The following TMTC2 variants were observed in gnomAD, a reference collection of about 807,000 sequenced individuals.
The protein encoded by TMTC2 is transmembrane O-mannosyltransferase targeting cadherins 2, also known as protein O-mannosyl-transferase TMTC2.
TMTC2 carries 43 observed loss-of-function variants against 82.4 expected under a neutral mutation model. The observed-to-expected ratio is 0.52, with a 90% CI of 0.41 to 0.67. TMTC2 has a LOEUF of 0.67. Ranked by LOEUF, TMTC2 falls within the 30% of genes least tolerant of loss-of-function variation. The pLI, the probability that TMTC2 is intolerant of heterozygous loss-of-function variation, is 0.00. For missense variants in TMTC2, 919 were observed against 1,012.4 expected (o/e 0.91, Z 1.25); for synonymous variants, 408 against 381.9 (o/e 1.07, Z -0.80).
chr12:83,089,854 A>G (rs76324658), intron 11 of TMTC2, among the ~76,000 whole-genome samples: 1 of 135,882 alleles, frequency 7.4e-6, no homozygotes, highest in Non-Finnish European at 1.7e-5. Flanking sequence ...AAACAAAAAA[A>G]AAAAAACTAT....
intron 2 of TMTC2, among the ~76,000 whole-genome samples, chr12:82,871,541 G>A (rs2137137190): frequency 6.6e-6 from 1 of 152,218 alleles, no homozygotes; most frequent in East Asian, 1.9e-4. Flanking sequence ...TACAATAACT[G>A]TATAACTCTG....
At chr12:82,772,882 G>A (rs369947242) in intron 1 of TMTC2, among the ~76,000 whole-genome samples, 5 of 152,090 alleles carry the variant, frequency 3.3e-5, no homozygotes, top group African/African-American at 9.6e-5. Context: ...AAGTAGTGTC[G>A]GAGTGGGGGG....
At chr12:82,748,946 G>T (rs1406910247) in intron 1 of TMTC2, among the ~76,000 whole-genome samples, 5 of 152,206 alleles carry the variant, frequency 3.3e-5, no homozygotes, top group Admixed American at 6.5e-5. Context: ...CTATATATAT[G>T]TGGGTAAGCT....
At chr12:82,729,409 T>C (rs1874643435) in intron 1 of TMTC2, among the ~76,000 whole-genome samples, 1 of 152,122 alleles carries the variant, frequency 6.6e-6, no homozygotes, top group African/African-American at 2.4e-5. Context: ...CCAGTTGCAC[T>C]CTGTATCTAG....
chr12:82,828,901 G>A (rs553284752), intron 1 of TMTC2, among the ~76,000 whole-genome samples: 22 of 152,150 alleles, frequency 1.4e-4, no homozygotes, highest in Admixed American at 1.4e-3. Context: ...TAAAATACAA[G>A]CAGAAGTGTT....
At chr12:82,885,455 G>C (rs1237701858) in intron 2 of TMTC2, among the ~76,000 whole-genome samples, 21 of 151,394 alleles carry the variant, frequency 1.4e-4, no homozygotes, top group Admixed American at 1.4e-3. Context: ...CTGTAGTCTT[G>C]ATTTCCTGGG....
chr12:82,863,889 A>G (rs1385257380), intron 2 of TMTC2, among the ~76,000 whole-genome samples: 1 of 152,202 alleles, frequency 6.6e-6, no homozygotes, highest in Non-Finnish European at 1.5e-5. Flanking sequence ...TTGAAATTCA[A>G]GCTGGGAAGT....
chr12:82,937,769 T>TAC (rs1565818333), intron 4 of TMTC2, among the ~76,000 whole-genome samples: 64 of 21,688 alleles, frequency 3.0e-3, no homozygotes, highest in East Asian at 7.7e-3. Flanking sequence ...TATATATATA[T>TAC]ATATATATAT....
chr12:82,940,313 G>A (rs910234295), intron 4 of TMTC2, among the ~76,000 whole-genome samples: 2 of 151,464 alleles, frequency 1.3e-5, no homozygotes, highest in Admixed American at 6.6e-5. Flanking sequence ...CACCGCGCCC[G>A]GCCAGATACA....
At chr12:82,811,268 C>G (rs1439833486) in intron 1 of TMTC2, among the ~76,000 whole-genome samples, 1 of 151,778 alleles carries the variant, frequency 6.6e-6, no homozygotes, top group Non-Finnish European at 1.5e-5. Context: ...TATAAATTAC[C>G]CAGTCTTGGG....
intron 3 of TMTC2, among the ~76,000 whole-genome samples, chr12:82,916,618 G>A (rs867990508): frequency 6.6e-6 from 1 of 152,082 alleles, no homozygotes; most frequent in Non-Finnish European, 1.5e-5. Context: ...AACAACCGTA[G>A]ATACACTAAA....
intron 1 of TMTC2, among the ~76,000 whole-genome samples, chr12:82,764,897 G>A (rs116021256): frequency 6.8e-6 from 1 of 147,338 alleles, no homozygotes. Flanking sequence ...AAAATGCAGG[G>A]AATCTGCATT....
intron 1 of TMTC2, among the ~76,000 whole-genome samples, chr12:82,745,467 T>A (rs1875641627): frequency 6.6e-6 from 1 of 152,242 alleles, no homozygotes; most frequent in South Asian, 2.1e-4. Context: ...AGTGAAGTTT[T>A]GTTATCCATG....
At chr12:83,043,520 G>A (rs1384382188) in intron 9 of TMTC2, among the ~76,000 whole-genome samples, 2 of 152,204 alleles carry the variant, frequency 1.3e-5, no homozygotes, top group African/African-American at 4.8e-5. Flanking sequence ...CCGGGATGCT[G>A]GCAATGTTCT....
At position 82,818,515 on chromosome 12, in the gene TMTC2, C is replaced by G. The variant is rs542589723; in HGVS notation, c.84-38495C>G. On this transcript the variant is annotated intron_variant, in intron 1 of 11. Coordinates refer to ENST00000321196, the MANE Select transcript of TMTC2 (RefSeq NM_152588.3). ...ATAGAAAGGTTAATTGCAAGGTTCT[C>G]CAGGTCATTGGTAACAGTGAACAAG... 8.3e-4 allele frequency among the ~76,000 whole-genome samples: 127 copies of G among 152,224 alleles called. 1 individual carries two copies. Among genetic ancestry groups the G allele is most frequent in the Non-Finnish European group, 1.3e-3 (90 of 67,998 alleles).
At chr12:83,090,087 G>A (rs1177015950) in intron 11 of TMTC2, among the ~76,000 whole-genome samples, 1 of 152,128 alleles carries the variant, frequency 6.6e-6, no homozygotes, top group Non-Finnish European at 1.5e-5. Flanking sequence ...GAAAGGGTAT[G>A]GACAGTCATA....
intron 1 of TMTC2, among the ~76,000 whole-genome samples, chr12:82,785,972 T>G (rs1878159586): frequency 6.6e-6 from 1 of 152,122 alleles, no homozygotes; most frequent in African/African-American, 2.4e-5. Flanking sequence ...CTTTTCTGAT[T>G]TTTAGATTTC....
chr12:82,959,660 A>G (rs751670513), intron 4 of TMTC2, among the ~76,000 whole-genome samples: 5 of 152,096 alleles, frequency 3.3e-5, no homozygotes, highest in Non-Finnish European at 5.9e-5. Context: ...TTCACCATAT[A>G]TAAAAAATTA....
At chr12:83,099,898 T>C (rs1884156027) in intron 11 of TMTC2, among the ~76,000 whole-genome samples, 1 of 148,504 alleles carries the variant, frequency 6.7e-6, no homozygotes, top group Non-Finnish European at 1.5e-5. Flanking sequence ...AAATAATATC[T>C]TACATCTCTG....
Sources: gnomAD v4.1 joint callset for allele counts (sites outside exome capture counted in the v4.1 genomes callset) on GRCh38, gnomAD v4.1.1 for gene constraint, MANE v1.5 for transcripts, NCBI Gene and HGNC (gene_info 2026-07-23, HGNC 2026-07-21) for gene names.